Variants in GRB10 observed in about 807,000 individuals in gnomAD.
The protein encoded by GRB10 is growth factor receptor bound protein 10.
GRB10 carries 20 observed loss-of-function variants against 80.9 expected under a neutral mutation model. The observed-to-expected ratio is 0.25, with a 90% confidence interval of 0.17 to 0.36. GRB10 has a LOEUF of 0.36. GRB10 is among the 10% of genes least tolerant of loss of function. The probability of loss-of-function intolerance (pLI) is 1.00; values close to 1 mark genes in which losing one functional copy is unlikely to be tolerated. For synonymous variants in GRB10, 291 were observed against 291.5 expected (o/e 1.00, Z 0.02); for missense variants, 548 against 747.7 (o/e 0.73, Z 3.12).
At chr7:50,750,972 G>C (rs2074017062) in intron 3 of GRB10, among the ~76,000 whole-genome samples, 1 of 152,194 alleles carries the variant, frequency 6.6e-6, no homozygotes, top group Non-Finnish European at 1.5e-5. Context: ...CAATAAATAA[G>C]GGTATGCTCT....
chr7:50,756,109 A>G (rs567316901), intron 2 of GRB10, 53 bp from the exon 3 acceptor site: 1 of 398,658 alleles, frequency 2.5e-6, no homozygotes, highest in South Asian at 1.3e-4. Context: ...ATACAAATGA[A>G]CTTATACTCT....
At chr7:50,738,056 A>T (rs2071115114) in intron 3 of GRB10, among the ~76,000 whole-genome samples, 1 of 152,200 alleles carries the variant, frequency 6.6e-6, no homozygotes, top group South Asian at 2.1e-4. Flanking sequence ...TGCAAATCAG[A>T]ACTGCAACAA....
intron 10 of GRB10, among the ~76,000 whole-genome samples, chr7:50,616,769 T>C (rs1244246531): frequency 6.6e-6 from 1 of 152,232 alleles, no homozygotes; most frequent in Non-Finnish European, 1.5e-5. Context: ...TGTCCGCAAG[T>C]GATGCACCCA....
chr7:50,659,017 T>A (rs943884559), intron 7 of GRB10, among the ~76,000 whole-genome samples: 4 of 152,172 alleles, frequency 2.6e-5, no homozygotes, highest in Admixed American at 6.5e-5. Context: ...TTCACCATTT[T>A]AAAAATAATC....
At chr7:50,749,571 A>T (rs2153700375) in intron 3 of GRB10, among the ~76,000 whole-genome samples, 1 of 152,310 alleles carries the variant, frequency 6.6e-6, no homozygotes, top group South Asian at 2.1e-4. Flanking sequence ...AATCTCCAGG[A>T]GTTCTTCTTA....
chr7:50,669,645 A>G, intron 7 of GRB10, 77 bp downstream of exon 7: 2 of 1,403,294 alleles, frequency 1.4e-6, no homozygotes, highest in Non-Finnish European at 1.0e-6. Flanking sequence ...TCCCAAAGTA[A>G]TAATCTGGCA....
At chr7:50,773,468 C>CAGGGG (rs2077227946) in intron 2 of GRB10, among the ~76,000 whole-genome samples, 1 of 9,370 alleles carries the variant, frequency 1.1e-4, no homozygotes, top group Admixed American at 1.1e-3. Context: ...GAGGGGAAGG[C>CAGGGG]AGGGGAGGGG....
At position 50,592,965 on chromosome 7, in the gene GRB10, C is replaced by T. The variant is rs537408631; in HGVS notation, c.1772G>A (p.Arg591Gln). The change falls in exon 19 of 19, where the codon CGA becomes CAA. Residue 591 changes from arginine (R) to glutamine (Q), a missense_variant. Coordinates refer to ENST00000401949, the MANE Select transcript of GRB10 (RefSeq NM_001350814.2). ...LPCKLKHHCI[R>Q]VAL Reference sequence around the variant, plus strand: ...GGACATCTGCGGTCATAAGGCCACTCGGATGCAGTGGTGCTTGAGTTTGCA... The same window carrying T: ...GGACATCTGCGGTCATAAGGCCACTTGGATGCAGTGGTGCTTGAGTTTGCA... The T allele has an allele frequency of 1.6e-5, 26 of 1,614,190 alleles. No homozygotes were observed. The highest frequency in any genetic ancestry group is 9.3e-5 in the African/African-American group (7 of 75,048).
intron 2 of GRB10, among the ~76,000 whole-genome samples, chr7:50,775,307 C>T (rs1315064996): frequency 6.6e-6 from 1 of 152,106 alleles, no homozygotes; most frequent in Admixed American, 6.5e-5. Context: ...AATGGTAAGG[C>T]TGGAGAATAA....
At chr7:50,659,766 G>A (rs756421444) in intron 7 of GRB10, among the ~76,000 whole-genome samples, 14 of 152,236 alleles carry the variant, frequency 9.2e-5, no homozygotes, top group Non-Finnish European at 1.8e-4. Flanking sequence ...TGGTGGCCAC[G>A]CCGGAGGGCA....
At chr7:50,780,891 T>C (rs1194717307) in intron 1 of GRB10, 155 bp from the exon 2 acceptor site, 2 of 152,176 alleles carry the variant, frequency 1.3e-5, no homozygotes, top group African/African-American at 4.8e-5. Context: ...TTTTGGAGCC[T>C]AACCTCCAAA....
intron 4 of GRB10, chr7:50,705,215 G>C: frequency 2.0e-6 from 2 of 985,846 alleles, no homozygotes; most frequent in Non-Finnish European, 2.4e-6. Flanking sequence ...GCAGAGGGTA[G>C]CCCAGGGGAC....
At chr7:50,752,887 G>A (rs980470587) in intron 3 of GRB10, among the ~76,000 whole-genome samples, 1 of 152,238 alleles carries the variant, frequency 6.6e-6, no homozygotes, top group African/African-American at 2.4e-5. Context: ...GGAAAGCTAA[G>A]CTATGGTCCC....
chr7:50,611,031 C>A (rs535035125), intron 13 of GRB10, among the ~76,000 whole-genome samples: 42 of 151,618 alleles, frequency 2.8e-4, no homozygotes, highest in Non-Finnish European at 5.4e-4. Flanking sequence ...GATTCATTTG[C>A]AGATTAAAAT....
intron 3 of GRB10, among the ~76,000 whole-genome samples, chr7:50,740,603 C>T (rs1455005752): frequency 3.3e-5 from 5 of 151,796 alleles, no homozygotes; most frequent in East Asian, 1.9e-4. Context: ...GCAATGTTCA[C>T]GGTATATTAA....
intron 3 of GRB10, among the ~76,000 whole-genome samples, chr7:50,750,492 C>T (rs936844356): frequency 6.6e-6 from 1 of 152,188 alleles, no homozygotes; most frequent in Non-Finnish European, 1.5e-5. Context: ...TCAGGGCAAT[C>T]CTGTTCAATA....
chr7:50,705,085 T>A (rs1204710778), intron 4 of GRB10: 14 of 935,942 alleles, frequency 1.5e-5, no homozygotes, highest in African/African-American at 1.8e-5. Context: ...AGAGCCCTCC[T>A]TGCTCACGCA....
At chr7:50,700,870 C>T (rs1488160594) in intron 5 of GRB10, among the ~76,000 whole-genome samples, 2 of 152,194 alleles carry the variant, frequency 1.3e-5, no homozygotes, top group East Asian at 1.9e-4. Flanking sequence ...TTTCTATATA[C>T]CGTCAACTTT....
intron 7 of GRB10, among the ~76,000 whole-genome samples, chr7:50,632,470 C>T (rs2054178123): frequency 6.6e-6 from 1 of 152,210 alleles, no homozygotes; most frequent in African/African-American, 2.4e-5. Context: ...ATTTCAAATA[C>T]TGGAGGAGCC....
Sources: gnomAD v4.1 joint callset for allele counts (sites outside exome capture counted in the v4.1 genomes callset) on GRCh38, gnomAD v4.1.1 for gene constraint, MANE v1.5 for transcripts, NCBI Gene and HGNC (gene_info 2026-07-23, HGNC 2026-07-21) for gene names.